Variants in KIF1B observed in about 807,000 individuals in gnomAD.
The protein encoded by KIF1B is kinesin family member 1B, also known as kinesin-like protein KIF1B.
KIF1B carries 76 observed loss-of-function variants against 241.9 expected under a neutral mutation model. The observed-to-expected ratio is 0.31, with a 90% confidence interval of 0.26 to 0.38. The LOEUF is 0.38. Among genes scored for constraint, KIF1B ranks in the 10% least tolerant of loss-of-function variants. The probability of loss-of-function intolerance (pLI) is 1.00; values close to 1 mark genes in which losing one functional copy is unlikely to be tolerated. For synonymous variants in KIF1B, 750 were observed against 796.7 expected (o/e 0.94, Z 0.99); for missense variants, 1,622 against 2,271.4 (o/e 0.71, Z 5.81).
In KIF1B at chr1:10,270,270, G is replaced by A. The variant is rs544098961; in HGVS notation, c.721-1232G>A. 3.3e-5 allele frequency among the ~76,000 whole-genome samples: 5 copies of A among 152,132 alleles called. No individual in the cohort carries two copies. In the East Asian group the frequency reaches 7.7e-4, roughly 23 times the overall value. On this transcript the variant is annotated intron_variant, in intron 7 of 48. Coordinates refer to ENST00000676179, the MANE Select transcript of KIF1B (RefSeq NM_001365951.3). Reference sequence around the variant, plus strand: ...TCTGTGGCAATTCCCGGGCAATTCCGGACCTGCCCTTTTGTCACTATATAT... The same window carrying A: ...TCTGTGGCAATTCCCGGGCAATTCCAGACCTGCCCTTTTGTCACTATATAT...
chr1:10,330,856 A>T (rs1651893694), intron 27 of KIF1B, among the ~76,000 whole-genome samples: 1 of 152,238 alleles, frequency 6.6e-6, no homozygotes, highest in Non-Finnish European at 1.5e-5. Flanking sequence ...GCACAAATAA[A>T]TGTAAATTAT....
chr1:10,354,756 CTT>C (rs1041043168), intron 38 of KIF1B, among the ~76,000 whole-genome samples: 2 of 152,150 alleles, frequency 1.3e-5, no homozygotes, highest in African/African-American at 4.8e-5. Flanking sequence ...AATGAGACAT[CTT>C]TGTAGTTTAG....
chr1:10,278,905 C>T (rs1649259150), intron 13 of KIF1B, 192 bp from the exon 14 acceptor site: 2 of 480,590 alleles, frequency 4.2e-6, no homozygotes, highest in East Asian at 3.0e-5. Context: ...TTTTCAAGGC[C>T]TCTTCTAGTT....
At chr1:10,348,015 A>G (rs1432942285) in intron 36 of KIF1B, among the ~76,000 whole-genome samples, 188 bp downstream of exon 36, 1 of 148,340 alleles carries the variant, frequency 6.7e-6, no homozygotes, top group Non-Finnish European at 1.5e-5. Context: ...CTTGGCTTAT[A>G]TTTATCCTTG....
chr1:10,328,968 A>T (rs1651822181), intron 27 of KIF1B, among the ~76,000 whole-genome samples: 1 of 152,260 alleles, frequency 6.6e-6, no homozygotes, highest in Admixed American at 6.5e-5. Flanking sequence ...TTGTATTTTG[A>T]GGAAGTTGTG....
chr1:10,217,343 C>CTTTTTTTT (rs769372780), intron 1 of KIF1B, among the ~76,000 whole-genome samples: 1 of 131,990 alleles, frequency 7.6e-6, no homozygotes, highest in Non-Finnish European at 1.6e-5. Context: ...CTTTCTTTTT[C>CTTTTTTTT]TTTTTTTTTT....
At chr1:10,358,337 C>T (rs1638314897) in intron 38 of KIF1B, among the ~76,000 whole-genome samples, 1 of 152,136 alleles carries the variant, frequency 6.6e-6, no homozygotes. Context: ...GAGTCAGTGT[C>T]ATGAAACCTC....
rs1638944210 is a variant in KIF1B at position 10,378,438 on chromosome 1, A to G, written c.*1851A>G. On this transcript the variant is annotated 3_prime_UTR_variant, in exon 49 of 49. Transcript: ENST00000676179. ...ATGAGAGGGGAAAAAGAAAGCCTCCAGTGACTTCAGTTGCTTTGCCAGTTG... is the reference window on the plus strand; with the variant it reads ...ATGAGAGGGGAAAAAGAAAGCCTCCGGTGACTTCAGTTGCTTTGCCAGTTG... The G allele has an allele frequency of 1.4e-6, 1 of 717,816 alleles. No homozygotes were observed. The highest frequency in any genetic ancestry group is 2.6e-6 in the Non-Finnish European group (1 of 385,168). 44.5% of individuals were successfully genotyped at this position (717,816 alleles called of 1,614,324 possible). A position where few individuals can be genotyped will look rare whatever the true frequency, so the allele number is the denominator to read the frequency against.
rs1648329023 is a variant in KIF1B, at chr1:10,264,403, ACATAT to A, written c.429+2436_429+2440del. On this transcript the variant is annotated intron_variant, in intron 5 of 48. Coordinates refer to ENST00000676179, the MANE Select transcript of KIF1B (RefSeq NM_001365951.3). ...AATGATGATGGCTTTGGATGGATTC[ACATAT>A]CAGAGCATAAGGAATGGAGCACATG... Among the ~76,000 whole-genome samples the A allele has an allele frequency of 2.0e-5, 3 of 152,342 alleles. 1 individual carries two copies. In the South Asian group the frequency reaches 6.2e-4, roughly 32 times the overall value.
chr1:10,307,075 GT>G, intron 22 of KIF1B: 1 of 1,038,120 alleles, frequency 9.6e-7, no homozygotes, highest in Non-Finnish European at 1.2e-6. Context: ...GTGTCCTCAT[GT>G]TGCTGAAATA....
rs1652568980 is a variant in KIF1B, at chr1:10,345,861, A to G, written c.3705A>G (p.Leu1235=). ...TTTTAAAAGTTCCAGCCACCAAGTT[A>G]AACACGATGAGCAAAACCAGCCTTG... is the stretch of plus-strand genomic sequence containing the variant. The part of the protein sequence containing the change: ...PLSKPVPATK[L]NTMSKTSLGQ... Residue 1235 remains leucine (L), a synonymous_variant, in exon 35 of 49, where the codon TTA becomes TTG. Transcript: ENST00000676179. 6.2e-7 allele frequency: 1 copy of G among 1,613,984 alleles called. No individual in the cohort carries two copies. The highest frequency in any genetic ancestry group is 1.3e-5 in the African/African-American group (1 of 74,932).
At chr1:10,217,633 C>T (rs1646786859) in intron 1 of KIF1B, among the ~76,000 whole-genome samples, 1 of 151,978 alleles carries the variant, frequency 6.6e-6, no homozygotes, top group Admixed American at 6.6e-5. Context: ...ACTCTTTCTT[C>T]TGCCTGGAAT....
intron 1 of KIF1B, among the ~76,000 whole-genome samples, chr1:10,222,279 T>C (rs1176584729): frequency 7.9e-5 from 12 of 152,148 alleles, no homozygotes; most frequent in Non-Finnish European, 1.6e-4. Flanking sequence ...AGAAGGGAGA[T>C]TGGGCTCCTA....
intron 1 of KIF1B, among the ~76,000 whole-genome samples, chr1:10,226,450 C>T (rs1176703685): frequency 6.6e-6 from 1 of 152,124 alleles, no homozygotes; most frequent in East Asian, 1.9e-4. Flanking sequence ...CTAAAGCCCA[C>T]CAAGGAGGTT....
Position 10,282,520 on chromosome 1 carries a change from T to C in KIF1B, c.1421T>C (p.Ile474Thr). ...IMSTPGGEEA[I>T]ERLKESEKII... ...TCTACACCTGGAGGAGAGGAAGCTATTGAACGTTTAAAGGTAAGTAATAGT... is the reference window on the plus strand; with the variant it reads ...TCTACACCTGGAGGAGAGGAAGCTACTGAACGTTTAAAGGTAAGTAATAGT... The change falls in exon 15 of 49, where the codon ATT becomes ACT. Residue 474 changes from isoleucine to threonine, a missense_variant. By Grantham distance (89) the Ile-to-Thr change is moderately conservative. Around this residue, in one of 7 missense-constraint regions of KIF1B, gnomAD observed 57 missense variants for 149.0 expected, o/e 0.38. Transcript: ENST00000676179. 1 of 1,613,948 alleles carries C rather than the reference T, an allele frequency of 6.2e-7. No homozygotes were observed. Among genetic ancestry groups the C allele is most frequent in the Non-Finnish European group, 8.5e-7 (1 of 1,179,796 alleles).
At chr1:10,323,081 C>T (rs1651585772) in intron 24 of KIF1B, among the ~76,000 whole-genome samples, 1 of 152,040 alleles carries the variant, frequency 6.6e-6, no homozygotes, top group Admixed American at 6.6e-5. Context: ...AGGCTGGTCT[C>T]AAACTCCTGG....
intron 36 of KIF1B, 59 bp from the exon 37 acceptor site, chr1:10,348,590 T>C: frequency 7.7e-7 from 1 of 1,305,804 alleles, no homozygotes; most frequent in Non-Finnish European, 1.1e-6. Flanking sequence ...CAGAAAACAG[T>C]AGACGAGAGG....
chr1:10,336,516 C>A, intron 28 of KIF1B, 141 bp from the exon 29 acceptor site: 1 of 743,580 alleles, frequency 1.3e-6, no homozygotes. Flanking sequence ...GAATAGAGTG[C>A]GAAGCAGCCC....
intron 38 of KIF1B, chr1:10,355,370 G>C (rs1023599507): frequency 2.6e-5 from 4 of 152,190 alleles, no homozygotes; most frequent in Non-Finnish European, 5.9e-5. Flanking sequence ...GTTTTTGCAG[G>C]CTCTTTCTTG....
Sources: allele counts gnomAD v4.1 joint callset (sites outside exome capture counted in the v4.1 genomes callset), GRCh38; gene constraint gnomAD v4.1.1; regional missense constraint gnomAD v4.1.1; transcripts MANE v1.5; gene names NCBI Gene and HGNC (gene_info 2026-07-23, HGNC 2026-07-21).